Variants in INSYN2B observed in about 807,000 individuals in gnomAD.
The protein encoded by INSYN2B is inhibitory synaptic factor family member 2B.
Under a neutral mutation model 41.2 loss-of-function variants are expected in INSYN2B, and 16 were observed. The ratio of observed to expected loss-of-function variants is 0.39; its 90% CI spans 0.26 to 0.59. INSYN2B has a LOEUF of 0.59. Ranked by LOEUF, INSYN2B falls within the 20% of genes least tolerant of loss-of-function variation. The pLI, the probability that INSYN2B is intolerant of heterozygous loss-of-function variation, is 0.57. For missense variants in INSYN2B, 608 were observed against 646.4 expected (o/e 0.94, Z 0.64); for synonymous variants, 245 against 244.4 (o/e 1.00, Z -0.02).
intron 1 of INSYN2B, among the ~76,000 whole-genome samples, chr5:169,922,711 C>A (rs1003500087): frequency 6.6e-6 from 1 of 152,178 alleles, no homozygotes; most frequent in African/African-American, 2.4e-5. Flanking sequence ...TGAGCTGGAG[C>A]CAGATCCTAA....
At chr5:169,925,054 C>CT (rs1189887274) in intron 1 of INSYN2B, among the ~76,000 whole-genome samples, 1 of 152,016 alleles carries the variant, frequency 6.6e-6, no homozygotes, top group Non-Finnish European at 1.5e-5. Context: ...TCCCTTTTTC[C>CT]TTTTTAATTT....
chr5:169,915,191 A>G (rs1774809558), intron 1 of INSYN2B, among the ~76,000 whole-genome samples: 1 of 152,260 alleles, frequency 6.6e-6, no homozygotes, highest in African/African-American at 2.4e-5. Flanking sequence ...GTGGAAGCCA[A>G]ACAAATCAGA....
At chr5:169,942,779 A>G (rs530120130) in intron 1 of INSYN2B, among the ~76,000 whole-genome samples, 2 of 152,314 alleles carry the variant, frequency 1.3e-5, no homozygotes, top group South Asian at 4.1e-4. Context: ...TAGCCTGCTC[A>G]AAGGTTAACT....
intron 1 of INSYN2B, among the ~76,000 whole-genome samples, chr5:169,947,556 C>A (rs1776496716): frequency 1.3e-5 from 2 of 152,198 alleles, no homozygotes; most frequent in Admixed American, 1.3e-4. Flanking sequence ...GGGCATCTGC[C>A]CTGGCATCTG....
intron 1 of INSYN2B, among the ~76,000 whole-genome samples, chr5:169,957,510 A>G (rs1020417818): frequency 6.6e-6 from 1 of 152,142 alleles, no homozygotes; most frequent in African/African-American, 2.4e-5. Flanking sequence ...AGATGAGAAA[A>G]CTGAGGCTCA....
rs146455013 is a variant in INSYN2B at position 169,907,423 on chromosome 5, A to G, written c.-918-22607T>C. Among the ~76,000 whole-genome samples the G allele has an allele frequency of 4.3e-4, 65 of 152,348 alleles. No individual in the cohort carries two copies. The East Asian group carries it at 0.012, about 29-fold the overall frequency. ...ACTCTCTGCTGGGTTTAAGTGGCTG[A>G]TAATTGGGCTCCTGCAGAGAAGCAG... On this transcript the variant is annotated intron_variant, in intron 1 of 3. Transcript: ENST00000377365.
intron 1 of INSYN2B, among the ~76,000 whole-genome samples, chr5:169,933,429 C>A (rs555727521): frequency 1.3e-5 from 2 of 152,314 alleles, no homozygotes; most frequent in South Asian, 4.1e-4. Context: ...TTGAGAGTGG[C>A]TGCTATAGAA....
At chr5:169,872,651 C>T (rs1265826265) in intron 3 of INSYN2B, among the ~76,000 whole-genome samples, 1 of 152,092 alleles carries the variant, frequency 6.6e-6, no homozygotes, top group East Asian at 1.9e-4. Context: ...TGACTCTGTG[C>T]CAGTAAGATC....
intron 1 of INSYN2B, among the ~76,000 whole-genome samples, chr5:169,953,883 C>A (rs887499445): frequency 6.6e-6 from 1 of 152,178 alleles, no homozygotes; most frequent in African/African-American, 2.4e-5. Context: ...GAGTTAGTTT[C>A]CTCATCAGTA....
chr5:169,871,816 C>T (rs981413764), intron 3 of INSYN2B, among the ~76,000 whole-genome samples: 2 of 152,220 alleles, frequency 1.3e-5, no homozygotes, highest in African/African-American at 2.4e-5. Context: ...TATGGACCAG[C>T]TGACCAGTCC....
At chr5:169,871,058 AC>A (rs1423256611) in intron 3 of INSYN2B, among the ~76,000 whole-genome samples, 1 of 152,036 alleles carries the variant, frequency 6.6e-6, no homozygotes, top group Admixed American at 6.6e-5. Flanking sequence ...GGGGAGAGGG[AC>A]CTCTCTGAGT....
chr5:169,906,288 T>C (rs1022487215), intron 1 of INSYN2B, among the ~76,000 whole-genome samples: 3 of 152,074 alleles, frequency 2.0e-5, no homozygotes, highest in Non-Finnish European at 4.4e-5. Context: ...AGTATGATCA[T>C]AGTACTGACT....
chr5:169,908,896 C>T (rs779105744), intron 1 of INSYN2B, among the ~76,000 whole-genome samples: 3 of 151,960 alleles, frequency 2.0e-5, no homozygotes, highest in Non-Finnish European at 1.5e-5. Flanking sequence ...TCAAAACAAC[C>T]CTGAGGCATT....
At chr5:169,946,849 G>T (rs1776471194) in intron 1 of INSYN2B, among the ~76,000 whole-genome samples, 1 of 152,214 alleles carries the variant, frequency 6.6e-6, no homozygotes, top group South Asian at 2.1e-4. Flanking sequence ...GGGCCTTTAG[G>T]CTGGACCTGA....
intron 1 of INSYN2B, among the ~76,000 whole-genome samples, chr5:169,931,389 C>T (rs887507662): frequency 3.3e-5 from 5 of 152,218 alleles, no homozygotes; most frequent in African/African-American, 7.2e-5. Context: ...TGCCGCCTCT[C>T]GGCAATTGAA....
chr5:169,890,499 T>C (rs1345744385), intron 1 of INSYN2B, among the ~76,000 whole-genome samples: 1 of 152,200 alleles, frequency 6.6e-6, no homozygotes, highest in African/African-American at 2.4e-5. Flanking sequence ...ATTTGAAATT[T>C]GGAAAGCTAA....
intron 1 of INSYN2B, among the ~76,000 whole-genome samples, chr5:169,905,779 G>T (rs1019108348): frequency 2.2e-4 from 33 of 152,324 alleles, no homozygotes; most frequent in African/African-American, 7.0e-4. Flanking sequence ...CCACAGCTGC[G>T]ATTGGTCCTC....
intron 1 of INSYN2B, among the ~76,000 whole-genome samples, chr5:169,936,795 G>A (rs571187847): frequency 6.6e-6 from 1 of 152,186 alleles, no homozygotes; most frequent in South Asian, 2.1e-4. Flanking sequence ...ACGTGGCAAT[G>A]CCCACTTAGT....
chr5:169,923,135 C>T (rs1775265029), intron 1 of INSYN2B, among the ~76,000 whole-genome samples: 1 of 152,200 alleles, frequency 6.6e-6, no homozygotes, highest in Admixed American at 6.5e-5. Flanking sequence ...GGCCTATGCT[C>T]CTCACCTCTG....
Sources: allele counts gnomAD v4.1 joint callset (sites outside exome capture counted in the v4.1 genomes callset), GRCh38; gene constraint gnomAD v4.1.1; transcripts MANE v1.5; gene names NCBI Gene and HGNC (gene_info 2026-07-23, HGNC 2026-07-21).